MAP3K9: variants seen among roughly 807,000 people sequenced by gnomAD.
MAP3K9 encodes the protein mixed lineage kinase 1 (tyr and ser/thr specificity).
MAP3K9 carries 46 observed loss-of-function variants against 95.8 expected under a neutral mutation model. The observed-to-expected ratio is 0.48, with a 90% CI of 0.38 to 0.61. The LOEUF (loss-of-function observed/expected upper bound fraction) is 0.61. Ranked by LOEUF, MAP3K9 falls within the 20% of genes least tolerant of loss-of-function variation. The probability of loss-of-function intolerance (pLI) is 0.00; values close to 1 mark genes in which losing one functional copy is unlikely to be tolerated. For missense variants in MAP3K9, 1,296 were observed against 1,474.3 expected (o/e 0.88, Z 1.98); for synonymous variants, 533 against 593.8 (o/e 0.90, Z 1.49).
chr14:70,781,794 GAGCCCACAACTGTACC>G (rs1200803817), intron 2 of MAP3K9, among the ~76,000 whole-genome samples: 27 of 152,292 alleles, frequency 1.8e-4, no homozygotes, highest in African/African-American at 6.0e-4. Context: ...GCCTGATTCA[GAGCCCACAACTGTACC>G]AGCCCACAAC....
intron 1 of MAP3K9, among the ~76,000 whole-genome samples, chr14:70,802,902 C>T (rs887344888): frequency 6.6e-6 from 1 of 152,026 alleles, no homozygotes; most frequent in South Asian, 2.1e-4. Flanking sequence ...TATTTGAACC[C>T]TCTGATTTTC....
chr14:70,748,046 G>A (rs965257165), intron 5 of MAP3K9, among the ~76,000 whole-genome samples: 14 of 148,794 alleles, frequency 9.4e-5, no homozygotes, highest in Non-Finnish European at 1.0e-4. Context: ...GGCAGAGCCT[G>A]CAGTGAGCTG....
intron 1 of MAP3K9, among the ~76,000 whole-genome samples, chr14:70,803,008 T>A (rs1259539179): frequency 6.6e-6 from 1 of 152,144 alleles, no homozygotes; most frequent in Non-Finnish European, 1.5e-5. Flanking sequence ...GGCACCCTCC[T>A]CACAGTAATG....
At chr14:70,775,391 C>T (rs2054584824) in intron 2 of MAP3K9, among the ~76,000 whole-genome samples, 1 of 152,148 alleles carries the variant, frequency 6.6e-6, no homozygotes, top group Admixed American at 6.5e-5. Context: ...GGCTTCTAGG[C>T]CTATGCTCCT....
intron 9 of MAP3K9, among the ~76,000 whole-genome samples, chr14:70,735,589 G>A (rs1474064235): frequency 1.3e-5 from 2 of 152,078 alleles, no homozygotes; most frequent in African/African-American, 4.8e-5. Flanking sequence ...CCACAGCCTG[G>A]GGCTTCCTAC....
intron 1 of MAP3K9, among the ~76,000 whole-genome samples, chr14:70,807,489 A>G (rs1566772981): frequency 6.6e-6 from 1 of 152,220 alleles, no homozygotes; most frequent in Non-Finnish European, 1.5e-5. Flanking sequence ...CTGTCTCAAA[A>G]AAACAAAAAA....
chr14:70,730,864 C>A lies in MAP3K9; in HGVS notation c.2831G>T (p.Gly944Val). 6.3e-7 allele frequency: 1 copy of A among 1,594,772 alleles called. No homozygotes were observed. Among genetic ancestry groups the A allele is most frequent in the Non-Finnish European group, 8.5e-7 (1 of 1,173,632 alleles). Residue 944 changes from glycine to valine, a missense_variant and splice_region_variant, in exon 12 of 12, where the codon GGA (glycine) becomes GTA (valine). This residue lies in a region of MAP3K9 where 433 missense variants were observed against 441.4 expected (regional missense o/e 0.98). Coordinates refer to ENST00000554752, the MANE Select transcript of MAP3K9 (RefSeq NM_001284230.2). ...SNGLSPSPGA[G>V]MLKTPSPSRD... ...GCTGGGACTGGGGGTTTTCAACATT[C>A]CTGGTCAAAAAGACAAAAGGAGAAG... is the stretch of plus-strand genomic sequence containing the variant.
chr14:70,770,699 A>G (rs1349197879), intron 2 of MAP3K9, among the ~76,000 whole-genome samples: 1 of 152,098 alleles, frequency 6.6e-6, no homozygotes, highest in African/African-American at 2.4e-5. Flanking sequence ...CAATGGCACA[A>G]TGATTGCAGG....
At chr14:70,732,120 G>GC (rs2053912861) in intron 11 of MAP3K9, among the ~76,000 whole-genome samples, 1 of 152,182 alleles carries the variant, frequency 6.6e-6, no homozygotes, top group African/African-American at 2.4e-5. Flanking sequence ...CAAAATCCCA[G>GC]CTATGTGGCA....
intron 2 of MAP3K9, among the ~76,000 whole-genome samples, chr14:70,796,877 G>C (rs373942843): frequency 1.3e-5 from 2 of 152,110 alleles, no homozygotes; most frequent in Admixed American, 1.3e-4. Flanking sequence ...AAAATCCTCC[G>C]GGCTTCTTTT....
Position 70,738,136 on chromosome 14 carries a change from C to T in MAP3K9, c.1844+109G>A, listed in dbSNP as rs2054010897. On this transcript the variant is annotated intron_variant, in intron 8 of 11. Coordinates refer to ENST00000554752, the MANE Select transcript of MAP3K9 (RefSeq NM_001284230.2). ...AAAGATCAAGAAGCTTGTAATTTCT[C>T]AGAAAGCAATCAAACACACGACAGA... 6 of 1,193,808 alleles carry T rather than the reference C, an allele frequency of 5.0e-6. No homozygotes were observed. In the South Asian group the frequency reaches 1.0e-4, roughly 21 times the overall value. The allele number at this position is 1,193,808 out of a possible 1,614,324, so 74.0% of individuals were successfully genotyped here.
intron 2 of MAP3K9, among the ~76,000 whole-genome samples, chr14:70,800,411 G>C (rs1206379702): frequency 6.6e-6 from 1 of 151,950 alleles, no homozygotes; most frequent in Non-Finnish European, 1.5e-5. Flanking sequence ...AAAAATAGTA[G>C]GGAAGGCCAC....
intron 2 of MAP3K9, among the ~76,000 whole-genome samples, chr14:70,768,190 G>T (rs983932856): frequency 1.1e-4 from 16 of 152,032 alleles, no homozygotes; most frequent in African/African-American, 3.6e-4. Context: ...ACGCTTGAGG[G>T]GATGGATATC....
intron 1 of MAP3K9, among the ~76,000 whole-genome samples, chr14:70,802,288 T>C (rs1356598621): frequency 1.3e-5 from 2 of 152,208 alleles, no homozygotes; most frequent in African/African-American, 4.8e-5. Context: ...AGGAGCCTCA[T>C]AAGAGATATC....
At chr14:70,755,316 A>G (rs1303995815) in intron 3 of MAP3K9, among the ~76,000 whole-genome samples, 1 of 152,230 alleles carries the variant, frequency 6.6e-6, no homozygotes, top group African/African-American at 2.4e-5. Flanking sequence ...TGGGCTGATC[A>G]TTCAGAAGAG....
In MAP3K9 at chr14:70,732,662, G is replaced by C; in HGVS notation, c.2707C>G (p.Leu903Val). 6.2e-7 allele frequency: 1 copy of C among 1,604,006 alleles called. No individual in the cohort carries two copies. Among genetic ancestry groups the C allele is most frequent in the Admixed American group, 1.7e-5 (1 of 59,234 alleles). Residue 903 changes from leucine to valine, a missense_variant, in exon 11 of 12, where the codon CTC (leucine) becomes GTC (valine). Transcript: ENST00000554752. The stretch of plus-strand genomic sequence containing the variant: ...CTGCTGGGCTGCGAGGGGGTGGTGA[G>C]GGTGACATGGGTGGGAGTCAGAGAT... ...NQSLTPTHVT[L>V]TTPSQPSSHR...
At position 70,730,693 on chromosome 14, in the gene MAP3K9, C is replaced by T. The variant is rs746929733; in HGVS notation, c.3002G>A (p.Arg1001Gln). 38 of 1,613,664 alleles carry T rather than the reference C, an allele frequency of 2.4e-5. 1 individual carries two copies. Among genetic ancestry groups the T allele is most frequent in the Middle Eastern group, 1.6e-4 (1 of 6,084 alleles). Residue 1001 changes from arginine (R) to glutamine (Q), a missense_variant, in exon 12 of 12, where the codon CGG becomes CAG. Physicochemically the swap from Arg to Gln is conservative, Grantham distance 43. Around this residue, in one of 5 missense-constraint regions of MAP3K9, gnomAD observed 433 missense variants for 441.4 expected, o/e 0.98. Coordinates refer to ENST00000554752, the MANE Select transcript of MAP3K9 (RefSeq NM_001284230.2). ...FLPRPRPSAN[R>Q]QRLDPWWFVS... ...AAACCACCAAGGGTCCAGCCGTTGC[C>T]GGTTGGCAGAAGGACGCGGCCGAGG...
intron 7 of MAP3K9, among the ~76,000 whole-genome samples, chr14:70,738,987 A>G (rs1345261340): frequency 6.6e-6 from 1 of 152,226 alleles, no homozygotes; most frequent in East Asian, 1.9e-4. Flanking sequence ...AAACGAGCAA[A>G]CTAGTTACCA....
intron 9 of MAP3K9, among the ~76,000 whole-genome samples, chr14:70,735,689 T>C (rs747423433): frequency 6.6e-6 from 1 of 152,090 alleles, no homozygotes; most frequent in Non-Finnish European, 1.5e-5. Flanking sequence ...AAAGGATAAA[T>C]AGCCACATAT....
Sources: allele counts gnomAD v4.1 joint callset (sites outside exome capture counted in the v4.1 genomes callset), GRCh38; gene constraint gnomAD v4.1.1; regional missense constraint gnomAD v4.1.1; transcripts MANE v1.5; gene names NCBI Gene and HGNC (gene_info 2026-07-23, HGNC 2026-07-21).